Variants in INIP observed in about 807,000 individuals in gnomAD.
INIP encodes the protein SOSS complex subunit C.
In INIP, 9 loss-of-function variants were observed where a neutral mutation model predicts 14.0. That is an observed-to-expected ratio of 0.64 (90% CI 0.39 to 1.12). INIP has a LOEUF of 1.12. Among genes scored for constraint, INIP ranks in the 50% most tolerant of loss-of-function variants. The pLI is 0.01. For missense variants in INIP, 78 were observed against 122.7 expected, an observed-to-expected ratio of 0.64 and a Z score of 1.72; for synonymous variants, 37 against 41.5, an observed-to-expected ratio of 0.89 and a Z score of 0.41.
intron 2 of INIP, among the ~76,000 whole-genome samples, chr9:112,698,514 C>G (rs1369330837): frequency 1.3e-5 from 2 of 151,770 alleles, no homozygotes; most frequent in African/African-American, 2.4e-5. Context: ...GAAACTTTGT[C>G]AAAATAATGT....
chr9:112,695,025 A>T (rs927739060), intron 2 of INIP, among the ~76,000 whole-genome samples: 10 of 152,218 alleles, frequency 6.6e-5, no homozygotes, highest in African/African-American at 2.4e-4. Context: ...AATTTCTCAG[A>T]TTCCTAGCTT....
At chr9:112,715,371 A>C (rs1254331008) in intron 2 of INIP, among the ~76,000 whole-genome samples, 1 of 152,182 alleles carries the variant, frequency 6.6e-6, no homozygotes, top group Non-Finnish European at 1.5e-5. Context: ...AAATTTATTC[A>C]ATTTTTCTTT....
Position 112,685,371 on chromosome 9 carries a change from G to T in INIP, c.*2167C>A, listed in dbSNP as rs1176682009. 6.6e-6 allele frequency: 1 copy of T among 151,854 alleles called. No individual in the cohort carries two copies. Among genetic ancestry groups the T allele is most frequent in the Non-Finnish European group, 1.5e-5 (1 of 68,016 alleles). The allele number at this position is 151,854 out of a possible 1,614,324, so 9.4% of individuals were successfully genotyped here. ...CTCTGCACGGTGACCTCCTAAAAGA[G>T]CAGGTACCAGTCACCTTTGTGTCCC... On this transcript the variant is annotated 3_prime_UTR_variant, in exon 5 of 5. Coordinates refer to ENST00000374242, the MANE Select transcript of INIP (RefSeq NM_021218.3).
chr9:112,706,617 A>G (rs1446978119), intron 2 of INIP, among the ~76,000 whole-genome samples: 2 of 152,156 alleles, frequency 1.3e-5, no homozygotes, highest in Non-Finnish European at 2.9e-5. Context: ...CTAGGGCATC[A>G]ATATATAACT....
chr9:112,708,552 A>T (rs1481155169), intron 2 of INIP, among the ~76,000 whole-genome samples: 1 of 152,190 alleles, frequency 6.6e-6, no homozygotes, highest in African/African-American at 2.4e-5. Flanking sequence ...TGGTTCTTGC[A>T]GTTAAATATG....
At chr9:112,705,468 CCTGA>C (rs995049854) in intron 2 of INIP, among the ~76,000 whole-genome samples, 3 of 152,072 alleles carry the variant, frequency 2.0e-5, no homozygotes, top group African/African-American at 7.2e-5. Flanking sequence ...TGCCACCATA[CCTGA>C]CTAATTTTTA....
intron 3 of INIP, among the ~76,000 whole-genome samples, chr9:112,693,034 A>AAAAG (rs1837950698): frequency 6.6e-6 from 1 of 151,822 alleles, no homozygotes; most frequent in Non-Finnish European, 1.5e-5. Flanking sequence ...GTCTCAAAAA[A>AAAAG]AAAAAAAAAA....
chr9:112,709,682 A>T (rs1208957446), intron 2 of INIP, among the ~76,000 whole-genome samples: 2 of 152,158 alleles, frequency 1.3e-5, no homozygotes, highest in Non-Finnish European at 2.9e-5. Context: ...TCCCACATTG[A>T]CAATTCTCTG....
At chr9:112,711,603 G>A (rs1302067800) in intron 2 of INIP, among the ~76,000 whole-genome samples, 1 of 152,092 alleles carries the variant, frequency 6.6e-6, no homozygotes, top group African/African-American at 2.4e-5. Flanking sequence ...TTTCATCTGA[G>A]CTCAAATTAA....
intron 2 of INIP, among the ~76,000 whole-genome samples, chr9:112,696,901 A>T (rs913899255): frequency 6.6e-6 from 1 of 152,164 alleles, no homozygotes; most frequent in African/African-American, 2.4e-5. Flanking sequence ...TCTTTCAAGC[A>T]CCTTCACACA....
At chr9:112,694,866 A>G (rs1838020035) in intron 2 of INIP, among the ~76,000 whole-genome samples, 1 of 152,246 alleles carries the variant, frequency 6.6e-6, no homozygotes, top group African/African-American at 2.4e-5. Flanking sequence ...GCCTTTGTCA[A>G]ATACTTAATA....
At chr9:112,700,930 A>G (rs1838276197) in intron 2 of INIP, among the ~76,000 whole-genome samples, 2 of 152,130 alleles carry the variant, frequency 1.3e-5, no homozygotes, top group African/African-American at 4.8e-5. Flanking sequence ...CAACCTGCGC[A>G]AAAGAGAGAG....
At chr9:112,705,226 C>G (rs1838421685) in intron 2 of INIP, among the ~76,000 whole-genome samples, 2 of 150,544 alleles carry the variant, frequency 1.3e-5, no homozygotes, top group Non-Finnish European at 2.9e-5. Context: ...GTTTAACAGA[C>G]AGTATAATTA....
intron 4 of INIP, among the ~76,000 whole-genome samples, chr9:112,688,122 A>C (rs1051461844): frequency 4.0e-5 from 6 of 151,188 alleles, no homozygotes; most frequent in Non-Finnish European, 5.9e-5. Flanking sequence ...ATAAATAAAT[A>C]AATCAGTTTT....
intron 2 of INIP, among the ~76,000 whole-genome samples, chr9:112,701,497 A>G (rs2798315): frequency 0.24 from 35,946 of 152,142 alleles, 4,544 homozygotes; most frequent in African/African-American, 0.33. Context: ...TAAAAGTTAC[A>G]TAATACGAAT....
chr9:112,712,389 A>C (rs1339717893), intron 2 of INIP, among the ~76,000 whole-genome samples: 1 of 152,190 alleles, frequency 6.6e-6, no homozygotes, highest in Non-Finnish European at 1.5e-5. Context: ...TTTCAGAAGA[A>C]TATAACAGAA....
In INIP at chr9:112,685,335, A is replaced by G. The variant is rs188793522; in HGVS notation, c.*2203T>C. The G allele has an allele frequency of 1.3e-5, 2 of 151,682 alleles. No homozygotes were observed. The highest frequency in any genetic ancestry group is 1.3e-4 in the Admixed American group (2 of 15,206). 9.4% of individuals were successfully genotyped at this position (151,682 alleles called of 1,614,324 possible). On this transcript the variant is annotated 3_prime_UTR_variant, in exon 5 of 5. Coordinates refer to ENST00000374242, the MANE Select transcript of INIP (RefSeq NM_021218.3). ...CTTGCTTTATAACTATTGGTGTACC[A>G]GAATAGGATCCTCTGCACGGTGACC...
chr9:112,717,063 G>A (rs1473188181), intron 1 of INIP, among the ~76,000 whole-genome samples: 1 of 151,980 alleles, frequency 6.6e-6, no homozygotes, highest in African/African-American at 2.4e-5. Context: ...AATTAAATAC[G>A]GCATTGTTTA....
rs2131272861 is a variant in INIP, at chr9:112,685,880, T to A, written c.*1658A>T. On this transcript the variant is annotated 3_prime_UTR_variant, in exon 5 of 5. Transcript: ENST00000374242. ...CATTACAATGGGGACAGTTGCCACCTCATCAAAATGAAGGAAATCAGTTCA... is the reference window on the plus strand; with the variant it reads ...CATTACAATGGGGACAGTTGCCACCACATCAAAATGAAGGAAATCAGTTCA... The A allele has an allele frequency of 6.6e-6, 1 of 152,218 alleles. No homozygotes were observed. The highest frequency in any genetic ancestry group is 2.1e-4 in the South Asian group (1 of 4,826). 9.4% of individuals were successfully genotyped at this position (152,218 alleles called of 1,614,324 possible).
Sources: gnomAD v4.1 joint callset for allele counts (sites outside exome capture counted in the v4.1 genomes callset) on GRCh38, gnomAD v4.1.1 for gene constraint, MANE v1.5 for transcripts, NCBI Gene and HGNC (gene_info 2026-07-23, HGNC 2026-07-21) for gene names.